The following CLNK variants were observed in gnomAD, a reference collection of about 807,000 sequenced individuals.
The protein encoded by CLNK is cytokine dependent hematopoietic cell linker, also known as cytokine-dependent hematopoietic cell linker.
In CLNK, 74 loss-of-function variants were observed where a neutral mutation model predicts 68.6. The observed-to-expected ratio is 1.08, with a 90% CI of 0.89 to 1.31. The LOEUF is 1.31. Among genes scored for constraint, CLNK ranks in the 50% most tolerant of loss-of-function variants. The probability of loss-of-function intolerance (pLI) is 0.00; values close to 1 mark genes in which losing one functional copy is unlikely to be tolerated. For missense variants in CLNK, 553 were observed against 515.3 expected (o/e 1.07, Z -0.71); for synonymous variants, 198 against 172.2 (o/e 1.15, Z -1.17).
chr4:10,582,366 C>A (rs1720813242), intron 4 of CLNK, among the ~76,000 whole-genome samples: 1 of 152,190 alleles, frequency 6.6e-6, no homozygotes, highest in South Asian at 2.1e-4. Context: ...ACCTTGAAGA[C>A]TGCTTTCCTT....
chr4:10,580,731 C>T (rs1720746316), intron 4 of CLNK, among the ~76,000 whole-genome samples: 1 of 152,004 alleles, frequency 6.6e-6, no homozygotes, highest in Non-Finnish European at 1.5e-5. Flanking sequence ...TAAAATGGTA[C>T]AATGCGTTTG....
chr4:10,619,361 T>C (rs1044425363), intron 2 of CLNK, among the ~76,000 whole-genome samples: 12 of 152,242 alleles, frequency 7.9e-5, no homozygotes. Flanking sequence ...CTTGAACTGC[T>C]GCCAGCAAAC....
At chr4:10,532,925 C>T (rs147226819) in intron 11 of CLNK, among the ~76,000 whole-genome samples, 241 of 152,208 alleles carry the variant, frequency 1.6e-3, no homozygotes, top group African/African-American at 5.6e-3. Context: ...AACAAGAGTG[C>T]TCATGAGTGT....
chr4:10,642,299 G>A (rs541932906), intron 2 of CLNK, among the ~76,000 whole-genome samples: 9 of 152,302 alleles, frequency 5.9e-5, no homozygotes, highest in African/African-American at 2.2e-4. Context: ...AGAGATGGCC[G>A]AGATATTGCA....
chr4:10,494,610 A>G (rs1427174252), intron 18 of CLNK, among the ~76,000 whole-genome samples: 3 of 152,086 alleles, frequency 2.0e-5, no homozygotes, highest in Non-Finnish European at 4.4e-5. Flanking sequence ...GGCATGTGCC[A>G]TGGCGCGCAG....
intron 1 of CLNK, among the ~76,000 whole-genome samples, chr4:10,679,782 G>A (rs1725021315): frequency 6.6e-6 from 1 of 152,138 alleles, no homozygotes; most frequent in Non-Finnish European, 1.5e-5. Context: ...ATCATCACTG[G>A]CCATCAGAGA....
intron 1 of CLNK, among the ~76,000 whole-genome samples, chr4:10,676,937 T>C (rs908746162): frequency 7.2e-5 from 11 of 151,820 alleles, no homozygotes; most frequent in African/African-American, 2.4e-4. Flanking sequence ...TCCTAACAGA[T>C]ATTTTATTTT....
intron 1 of CLNK, among the ~76,000 whole-genome samples, chr4:10,682,306 A>T (rs2108904346): frequency 6.6e-6 from 1 of 152,260 alleles, no homozygotes. Context: ...TGAACACTTT[A>T]TGTTTCTTTG....
At position 10,589,956 on chromosome 4, in the gene CLNK, G is replaced by A. The variant is rs117166169; in HGVS notation, c.84-5001C>T. ...ATCCATAACATGGCCACGTGCAAGC[G>A]GGCCACAGCTGGATGGTGTTATAAC... On this transcript the variant is annotated intron_variant, in intron 3 of 18. Transcript: ENST00000226951. Among the ~76,000 whole-genome samples the A allele has an allele frequency of 8.0e-4, 122 of 152,312 alleles. 3 individuals are homozygous for A. In the East Asian group the frequency reaches 0.011, roughly 14 times the overall value.
chr4:10,702,488 A>G, the CLNK span, among the ~76,000 whole-genome samples: 44 of 152,318 alleles, frequency 2.9e-4, no homozygotes, highest in Admixed American at 6.5e-4. Context: ...AGAATGATGC[A>G]TGCACATCAC....
intron 8 of CLNK, among the ~76,000 whole-genome samples, chr4:10,554,227 T>A (rs770195450): frequency 1.3e-5 from 2 of 152,132 alleles, no homozygotes; most frequent in African/African-American, 4.8e-5. Context: ...ACCCCAACAT[T>A]ACAAGGAAAA....
intron 1 of CLNK, among the ~76,000 whole-genome samples, chr4:10,673,679 G>T (rs567305151): frequency 3.4e-4 from 50 of 146,336 alleles, no homozygotes; most frequent in Non-Finnish European, 5.0e-4. Flanking sequence ...GGGGTGGGGG[G>T]TCTGGGGGAG....
At chr4:10,577,977 T>C (rs1465013756) in intron 4 of CLNK, among the ~76,000 whole-genome samples, 1 of 152,174 alleles carries the variant, frequency 6.6e-6, no homozygotes, top group Non-Finnish European at 1.5e-5. Flanking sequence ...ATCCTGGCCC[T>C]GTCACTCTTG....
intron 2 of CLNK, among the ~76,000 whole-genome samples, chr4:10,649,148 A>G (rs932340589): frequency 1.3e-5 from 2 of 152,210 alleles, no homozygotes; most frequent in African/African-American, 4.8e-5. Flanking sequence ...GATTGAATGA[A>G]AAACGTAAAA....
In CLNK at chr4:10,513,592, T is replaced by C; in HGVS notation, c.778A>G (p.Arg260Gly). ...SNHSVQNRDHRGGMQPCSPQR... is the reference protein window; with the variant it reads ...SNHSVQNRDHGGGMQPCSPQR... The stretch of plus-strand genomic sequence containing the variant: ...GGAGAACAGGGCTGCATGCCTCCTC[T>C]ATGATCTGGAAAGGTTAAATTCACA... The change falls in exon 16 of 19, where the codon AGA (arginine) becomes GGA (glycine). Residue 260 changes from arginine (R) to glycine (G), a missense_variant. By Grantham distance (125) the Arg-to-Gly change is moderately radical. Coordinates refer to ENST00000226951, the MANE Select transcript of CLNK (RefSeq NM_052964.4). 1 of 1,598,266 alleles carries C rather than the reference T, an allele frequency of 6.3e-7. No homozygotes were observed. Among genetic ancestry groups the C allele is most frequent in the Non-Finnish European group, 8.5e-7 (1 of 1,172,394 alleles).
intron 3 of CLNK, among the ~76,000 whole-genome samples, chr4:10,594,201 T>A (rs919423765): frequency 6.6e-6 from 1 of 152,152 alleles, no homozygotes; most frequent in Non-Finnish European, 1.5e-5. Context: ...AAAGAGAACT[T>A]AAGGAGGTTA....
chr4:10,665,874 G>A (rs376710646), intron 2 of CLNK, among the ~76,000 whole-genome samples: 2 of 152,218 alleles, frequency 1.3e-5, no homozygotes, highest in African/African-American at 4.8e-5. Flanking sequence ...AATCTCCATC[G>A]CTTGTGAATG....
chr4:10,639,149 A>G (rs1723212355), intron 2 of CLNK, among the ~76,000 whole-genome samples: 1 of 152,206 alleles, frequency 6.6e-6, no homozygotes, highest in South Asian at 2.1e-4. Context: ...AGTTAGAGAC[A>G]TTTCTGGCCA....
intron 2 of CLNK, among the ~76,000 whole-genome samples, chr4:10,619,892 A>G (rs17383444): frequency 0.19 from 29,195 of 152,016 alleles, 2,976 homozygotes; most frequent in Middle Eastern, 0.25. Context: ...GCTACAGGCC[A>G]GACTCTTCTG....
Sources: gnomAD v4.1 joint callset for allele counts (sites outside exome capture counted in the v4.1 genomes callset) on GRCh38, gnomAD v4.1.1 for gene constraint, MANE v1.5 for transcripts, NCBI Gene and HGNC (gene_info 2026-07-23, HGNC 2026-07-21) for gene names.